Variants in INTS6L observed in about 807,000 individuals in gnomAD.
INTS6L encodes integrator complex subunit 6-like.
In INTS6L, 18 loss-of-function variants were observed where a neutral mutation model predicts 64.7. The observed-to-expected ratio is 0.28, with a 90% CI of 0.19 to 0.41. The LOEUF is 0.41. INTS6L is among the 10% of genes least tolerant of loss of function. The pLI, the probability that INTS6L is intolerant of heterozygous loss-of-function variation, is 1.00. For synonymous variants in INTS6L, 227 were observed against 235.9 expected, an observed-to-expected ratio of 0.96 and a Z score of 0.34; for missense variants, 533 against 661.0, an observed-to-expected ratio of 0.81 and a Z score of 2.12.
At chrX:135,530,378 T>C (rs782153426) in intron 2 of INTS6L, among the ~76,000 whole-genome samples, 1 of 111,582 alleles carries the variant, frequency 9.0e-6, no homozygotes, top group East Asian at 2.8e-4. Context: ...CTGGAGGATG[T>C]GAACTGGTGG....
At chrX:135,541,097 T>C (rs1240992681) in intron 2 of INTS6L, among the ~76,000 whole-genome samples, 6 of 111,371 alleles carry the variant, frequency 5.4e-5, no homozygotes, top group African/African-American at 2.0e-4. Flanking sequence ...CCTCCTAGCT[T>C]CTTCTGACTA....
intron 9 of INTS6L, among the ~76,000 whole-genome samples, chrX:135,559,547 G>A (rs2086728547): frequency 9.0e-6 from 1 of 111,611 alleles, no homozygotes; most frequent in Non-Finnish European, 1.9e-5. Flanking sequence ...TTCACCTGTT[G>A]AAGGACATCT....
intron 15 of INTS6L, among the ~76,000 whole-genome samples, chrX:135,578,346 T>C (rs2087285843): frequency 8.9e-6 from 1 of 111,901 alleles, no homozygotes; most frequent in South Asian, 3.7e-4. Flanking sequence ...AACTTGCCCC[T>C]CTCCAAAACA....
At chrX:135,573,118 T>A in intron 12 of INTS6L, 85 bp downstream of exon 12, 1 of 834,429 alleles carries the variant, frequency 1.2e-6, no homozygotes, top group Non-Finnish European at 1.7e-6. Context: ...TTTGAAATAA[T>A]GGACAATCCT....
At chrX:135,568,764 T>C (rs1432629194) in intron 9 of INTS6L, among the ~76,000 whole-genome samples, 1 of 110,693 alleles carries the variant, frequency 9.0e-6, no homozygotes, top group South Asian at 3.9e-4. Context: ...CAGGCTGGTC[T>C]CAAACTTCTG....
intron 7 of INTS6L, 95 bp from the exon 8 acceptor site, chrX:135,551,899 A>G (rs782193640): frequency 1.2e-6 from 1 of 821,449 alleles, no homozygotes; most frequent in Admixed American, 4.7e-5. Context: ...GTGAAAATGT[A>G]ACAAAATATA....
In INTS6L at chrX:135,570,527, T is replaced by G. The variant is rs1556527057; in HGVS notation, c.1379T>G (p.Leu460Arg). 1 of 1,154,484 alleles carries G rather than the reference T, an allele frequency of 8.7e-7. No homozygotes were observed. Among genetic ancestry groups the G allele is most frequent in the Admixed American group, 2.6e-5 (1 of 38,592 alleles). The change falls in exon 11 of 18, where the codon CTT becomes CGT. Residue 460 changes from leucine to arginine, a missense_variant. Leu to Arg is a moderately radical substitution (Grantham distance 102). Coordinates refer to ENST00000639893, the MANE Select transcript of INTS6L (RefSeq NM_001351601.3). ...CTTAGTTACAGTGTTATCTCTTACC[T>G]TAAAAAACTCAGCCAACAGGTAGTA... ...CGLSYSVISY[L>R]KKLSQQTKLE...
intron 8 of INTS6L, among the ~76,000 whole-genome samples, chrX:135,553,619 G>A (rs181645401): frequency 2.7e-5 from 3 of 109,101 alleles, no homozygotes; most frequent in East Asian, 2.9e-4. Context: ...CATTGTGCCT[G>A]GCCATATTCT....
Position 135,531,749 on chromosome X carries a change from T to C in INTS6L, c.189+10431T>C, listed in dbSNP as rs184525250. Reference sequence around the variant, plus strand: ...CTGCCATTCTGAGCTCTCTAGTATCTGTTCCACGTGTCGGTAAAAACTTAT... The same window carrying C: ...CTGCCATTCTGAGCTCTCTAGTATCCGTTCCACGTGTCGGTAAAAACTTAT... On this transcript the variant is annotated intron_variant, in intron 2 of 17. Coordinates refer to ENST00000639893, the MANE Select transcript of INTS6L (RefSeq NM_001351601.3). Among the ~76,000 whole-genome samples, 413 of 111,827 alleles carry C rather than the reference T, an allele frequency of 3.7e-3. 1 individual carries two copies. Among genetic ancestry groups the C allele is most frequent in the South Asian group, 0.015 (41 of 2,670 alleles).
rs782352392 is a variant in INTS6L, at chrX:135,575,089, C to T, written c.1747C>T (p.Leu583Phe). Residue 583 changes from leucine (L) to phenylalanine (F), a missense_variant, in exon 14 of 18, where the codon CTT (leucine) becomes TTT (phenylalanine). Coordinates refer to ENST00000639893, the MANE Select transcript of INTS6L (RefSeq NM_001351601.3). ...KFIVGQDEDS[L>F]HSVPVAQMGN... Reference sequence around the variant, plus strand: ...CTTTTCCTGTGATTTTGCAGATTCCCTTCATAGTGTTCCAGTTGCACAAAT... The same window carrying T: ...CTTTTCCTGTGATTTTGCAGATTCCTTTCATAGTGTTCCAGTTGCACAAAT... 15 of 1,210,120 alleles carry T rather than the reference C, an allele frequency of 1.2e-5. No homozygotes were observed. Among genetic ancestry groups the T allele is most frequent in the Non-Finnish European group, 1.7e-5 (15 of 894,963 alleles).
intron 6 of INTS6L, among the ~76,000 whole-genome samples, chrX:135,547,704 T>C (rs782574208): frequency 8.9e-6 from 1 of 112,196 alleles, no homozygotes; most frequent in African/African-American, 3.2e-5. Context: ...ATCCAGGAAC[T>C]GCTCATCTTC....
intron 9 of INTS6L, among the ~76,000 whole-genome samples, chrX:135,556,841 T>C (rs782408551): frequency 8.9e-6 from 1 of 112,083 alleles, no homozygotes; most frequent in Non-Finnish European, 1.9e-5. Context: ...GGAGATATTT[T>C]CCCCTTATTG....
intron 9 of INTS6L, among the ~76,000 whole-genome samples, chrX:135,560,467 G>A (rs782303886): frequency 1.4e-4 from 16 of 112,334 alleles, no homozygotes; most frequent in Non-Finnish European, 2.4e-4. Flanking sequence ...GTGGTAAGAT[G>A]TATGTTCCAT....
At chrX:135,548,622 C>T in intron 6 of INTS6L, among the ~76,000 whole-genome samples, 1 of 110,859 alleles carries the variant, frequency 9.0e-6, no homozygotes, top group Non-Finnish European at 1.9e-5. Context: ...AGTTAAGAAC[C>T]CTTTCCTCAG....
intron 9 of INTS6L, 89 bp downstream of exon 9, chrX:135,556,389 C>T (rs1189775722): frequency 2.7e-5 from 22 of 824,075 alleles, no homozygotes; most frequent in Admixed American, 1.3e-4. Context: ...ATGTAGATGA[C>T]GGTAACAAAT....
intron 14 of INTS6L, 41 bp downstream of exon 14, chrX:135,575,267 C>A (rs1556530332): frequency 8.6e-7 from 1 of 1,160,188 alleles, no homozygotes; most frequent in African/African-American, 1.8e-5. Flanking sequence ...TTGGGATATT[C>A]TTGCTATATA....
intron 8 of INTS6L, among the ~76,000 whole-genome samples, chrX:135,553,692 A>G (rs1044199987): frequency 9.0e-6 from 1 of 110,550 alleles, no homozygotes. Flanking sequence ...ATTGAGCTCT[A>G]TACTTATAGT....
At chrX:135,540,371 T>A (rs2086173358) in intron 2 of INTS6L, among the ~76,000 whole-genome samples, 1 of 112,187 alleles carries the variant, frequency 8.9e-6, no homozygotes, top group African/African-American at 3.2e-5. Flanking sequence ...TTACATGCTA[T>A]GCTTAGTATA....
chrX:135,581,262 C>G, intron 17 of INTS6L, 119 bp downstream of exon 17: 2 of 538,413 alleles, frequency 3.7e-6, no homozygotes, highest in Non-Finnish European at 5.9e-6. Context: ...CTGGCCCTCA[C>G]TCATAGTTAA....
Sources: allele counts gnomAD v4.1 joint callset (sites outside exome capture counted in the v4.1 genomes callset), GRCh38; gene constraint gnomAD v4.1.1; transcripts MANE v1.5; gene names NCBI Gene and HGNC (gene_info 2026-07-23, HGNC 2026-07-21).